CSMD1: variants seen among roughly 807,000 people sequenced by gnomAD.
The protein encoded by CSMD1 is CUB and sushi domain-containing protein 1.
A neutral mutation model predicts 417.5 loss-of-function variants in CSMD1; 213 were observed. That is an observed-to-expected ratio of 0.51 (90% CI 0.46 to 0.57). CSMD1 has a LOEUF of 0.57. Ranked by LOEUF, CSMD1 falls within the 20% of genes least tolerant of loss-of-function variation. CSMD1 has a pLI of 0.00. For synonymous variants in CSMD1, 2,862 were observed against 1,736.8 expected (o/e 1.65, Z -16.11); for missense variants, 6,923 against 4,529.7 (o/e 1.53, Z -15.17).
intron 25 of CSMD1, among the ~76,000 whole-genome samples, chr8:3,288,794 T>C (rs1465510818): frequency 6.8e-6 from 1 of 147,350 alleles, no homozygotes; most frequent in African/African-American, 2.7e-5. Flanking sequence ...CTCTTTTTTA[T>C]ATAGACTAAT....
intron 4 of CSMD1, among the ~76,000 whole-genome samples, chr8:4,030,395 C>T (rs34191265): frequency 0.12 from 18,973 of 152,230 alleles, 1,483 homozygotes; most frequent in South Asian, 0.23. Flanking sequence ...TCTACACATT[C>T]GCAGGCTCAA....
At chr8:4,954,675 G>A (rs73659087) in intron 1 of CSMD1, among the ~76,000 whole-genome samples, 3,235 of 152,248 alleles carry the variant, frequency 0.021, 118 homozygotes, top group African/African-American at 0.074. Flanking sequence ...ATTCATGTGT[G>A]TGAATGTTCC....
At chr8:3,297,627 G>A (rs1227282890) in intron 25 of CSMD1, among the ~76,000 whole-genome samples, 8 of 152,132 alleles carry the variant, frequency 5.3e-5, no homozygotes, top group Non-Finnish European at 2.9e-5. Flanking sequence ...TGACACTTCA[G>A]TCTCCATACT....
chr8:3,995,302 C>T (rs1041144501), intron 5 of CSMD1, among the ~76,000 whole-genome samples: 1 of 152,212 alleles, frequency 6.6e-6, no homozygotes, highest in Admixed American at 6.5e-5. Flanking sequence ...GAGAGTTCCA[C>T]TTAAACGTAG....
At chr8:3,103,289 T>C (rs1045692521) in intron 46 of CSMD1, among the ~76,000 whole-genome samples, 7 of 152,214 alleles carry the variant, frequency 4.6e-5, no homozygotes, top group African/African-American at 1.4e-4. Context: ...CCTCAGTTTA[T>C]CTGCATCTCG....
intron 10 of CSMD1, among the ~76,000 whole-genome samples, chr8:3,551,201 G>C (rs1294738045): frequency 6.6e-6 from 1 of 152,128 alleles, no homozygotes. Context: ...GTGAGATAAT[G>C]AACATAATTA....
At chr8:4,912,536 A>C in intron 1 of CSMD1, among the ~76,000 whole-genome samples, 1 of 152,182 alleles carries the variant, frequency 6.6e-6, no homozygotes, top group East Asian at 1.9e-4. Context: ...AGCTCGTCTC[A>C]ATCCCACCTT....
At chr8:3,439,135 AAAAAAAAAAAAAAAAAACCAAG>A (rs1814772628) in intron 12 of CSMD1, among the ~76,000 whole-genome samples, 1 of 127,394 alleles carries the variant, frequency 7.8e-6, no homozygotes, top group Non-Finnish European at 1.6e-5. Context: ...AAAAAAAAAA[AAAAAAAAAAAAAAAAAACCAAG>A]AAAAAAAAAA....
chr8:3,696,561 C>A (rs771706329), intron 7 of CSMD1, among the ~76,000 whole-genome samples: 3 of 152,104 alleles, frequency 2.0e-5, no homozygotes, highest in Non-Finnish European at 4.4e-5. Context: ...CTAATTTAAT[C>A]CAATTAGTGT....
intron 1 of CSMD1, among the ~76,000 whole-genome samples, chr8:4,716,451 C>G (rs1004810055): frequency 5.3e-5 from 8 of 152,160 alleles, no homozygotes; most frequent in Admixed American, 5.2e-4. Flanking sequence ...ATCTGAAAAA[C>G]AGAATTTTTC....
intron 10 of CSMD1, among the ~76,000 whole-genome samples, chr8:3,539,281 T>C (rs1453458595): frequency 1.3e-5 from 2 of 152,216 alleles, no homozygotes; most frequent in Non-Finnish European, 2.9e-5. Context: ...ATTAAATGGT[T>C]GTCTTCCCCC....
chr8:4,673,462 C>T (rs149056522), intron 1 of CSMD1, among the ~76,000 whole-genome samples: 1 of 152,104 alleles, frequency 6.6e-6, no homozygotes, highest in Non-Finnish European at 1.5e-5. Flanking sequence ...ATATCATTGG[C>T]CACATTATCT....
intron 5 of CSMD1, among the ~76,000 whole-genome samples, chr8:3,783,848 T>C (rs994172803): frequency 6.6e-5 from 10 of 152,308 alleles, no homozygotes; most frequent in Admixed American, 6.5e-4. Context: ...TATTGATGGA[T>C]GACTGTTTTC....
At chr8:4,957,951 C>T (rs534636483) in intron 1 of CSMD1, among the ~76,000 whole-genome samples, 1 of 152,274 alleles carries the variant, frequency 6.6e-6, no homozygotes, top group South Asian at 2.1e-4. Context: ...ACTCCTTCTG[C>T]TTTTCTCTCC....
intron 2 of CSMD1, among the ~76,000 whole-genome samples, chr8:4,555,854 T>C (rs1475006168): frequency 6.6e-6 from 1 of 152,184 alleles, no homozygotes; most frequent in Non-Finnish European, 1.5e-5. Flanking sequence ...ACGAAAATTA[T>C]ATCTAAAAGA....
chr8:3,846,354 G>C (rs1002173795), intron 5 of CSMD1, among the ~76,000 whole-genome samples: 5 of 152,146 alleles, frequency 3.3e-5, no homozygotes, highest in African/African-American at 1.2e-4. Context: ...GTCCATAGCT[G>C]ATTAAAATGT....
chr8:3,035,059 TACAG>T (rs1810582657), intron 50 of CSMD1, among the ~76,000 whole-genome samples: 5 of 152,100 alleles, frequency 3.3e-5, no homozygotes, highest in Non-Finnish European at 5.9e-5. Flanking sequence ...AAAGTGGAGT[TACAG>T]TCAGGAGGCA....
chr8:4,781,620 T>C (rs1797156561), intron 1 of CSMD1, among the ~76,000 whole-genome samples: 1 of 152,212 alleles, frequency 6.6e-6, no homozygotes, highest in Admixed American at 6.5e-5. Flanking sequence ...TGTTGTACTT[T>C]CTGATCCTGT....
intron 6 of CSMD1, among the ~76,000 whole-genome samples, chr8:3,712,387 A>AGT: frequency 4.7e-5 from 2 of 42,720 alleles, no homozygotes; most frequent in African/African-American, 1.5e-4. Flanking sequence ...AGAGAGAGAG[A>AGT]GAGAGAGAGA....
Sources: allele counts gnomAD v4.1 joint callset (sites outside exome capture counted in the v4.1 genomes callset), GRCh38; gene constraint gnomAD v4.1.1; transcripts MANE v1.5; gene names NCBI Gene and HGNC (gene_info 2026-07-23, HGNC 2026-07-21).